Variants in CDR2 observed in about 807,000 individuals in gnomAD.
CDR2 encodes cerebellar degeneration-related protein 2.
Under a neutral mutation model 48.4 loss-of-function variants are expected in CDR2, and 34 were observed. The observed-to-expected ratio is 0.70, with a 90% CI of 0.53 to 0.94. The LOEUF is 0.94. Among genes scored for constraint, CDR2 ranks in the 40% least tolerant of loss-of-function variants. The pLI is 0.00. For missense variants in CDR2, 498 were observed against 549.5 expected, an observed-to-expected ratio of 0.91 and a Z score of 0.94; for synonymous variants, 240 against 219.7, an observed-to-expected ratio of 1.09 and a Z score of -0.82.
At chr16:22,364,868 G>A in intron 2 of CDR2, 34 bp downstream of exon 2, 1 of 1,260,406 alleles carries the variant, frequency 7.9e-7, no homozygotes, top group Admixed American at 1.7e-5. Flanking sequence ...ACATCGAAGT[G>A]TCAAAAGTGT....
At position 22,371,846 on chromosome 16, in the gene CDR2, ATATGTGTG is replaced by A. The variant is rs570465914; in HGVS notation, c.79+2377_79+2384del. ...TGCAACTGGCAGTAAAGAGGTTCAG[ATATGTGTG>A]TGTGTGTGTGTGTGTGTGTGTGTGT... On this transcript the variant is annotated intron_variant, in intron 1 of 4. Transcript: ENST00000268383. Among the ~76,000 whole-genome samples the A allele has an allele frequency of 3.2e-3, 253 of 78,880 alleles. 2 individuals are homozygous for A. The East Asian group carries it at 0.048, about 15-fold the overall frequency. The allele number at this position is 78,880 out of a possible 152,430, so 51.7% of individuals were successfully genotyped here.
In CDR2 at chr16:22,346,592, A is replaced by C. The variant is rs1230247998; in HGVS notation, c.*373T>G. 1 of 191,158 alleles carries C rather than the reference A, an allele frequency of 5.2e-6. No homozygotes were observed. Among genetic ancestry groups the C allele is most frequent in the Non-Finnish European group, 1.1e-5 (1 of 92,076 alleles). The allele number at this position is 191,158 out of a possible 1,614,324, so 11.8% of individuals were successfully genotyped here. A position where few individuals can be genotyped will look rare whatever the true frequency, so the allele number is the denominator to read the frequency against. Reference sequence around the variant, plus strand: ...TTTCATCGTTTTGAGAAGTTGCGCAAGGAAGCAATAGGAATTGCCTTAGCT... The same window carrying C: ...TTTCATCGTTTTGAGAAGTTGCGCACGGAAGCAATAGGAATTGCCTTAGCT... On this transcript the variant is annotated 3_prime_UTR_variant, in exon 5 of 5. Coordinates refer to ENST00000268383, the MANE Select transcript of CDR2 (RefSeq NM_001802.2).
chr16:22,359,575 T>C (rs1359955150), intron 2 of CDR2, among the ~76,000 whole-genome samples: 1 of 152,120 alleles, frequency 6.6e-6, no homozygotes, highest in Non-Finnish European at 1.5e-5. Context: ...CATAATCTCA[T>C]CCCCTCAGAA....
chr16:22,364,984 G>A lies in CDR2; in HGVS notation c.110C>T (p.Thr37Ile). 6.2e-7 allele frequency: 1 copy of A among 1,613,038 alleles called. No individual in the cohort carries two copies. Among genetic ancestry groups the A allele is most frequent in the Non-Finnish European group, 8.5e-7 (1 of 1,179,042 alleles). Reference sequence around the variant, plus strand: ...CAACTCTGTGTTCCGATCCAGTAATGTCTTCCCAAGCTCAGCAGCAAGTTG... The same window carrying A: ...CAACTCTGTGTTCCGATCCAGTAATATCTTCCCAAGCTCAGCAGCAAGTTG... Reference protein sequence around the residue: ...DLQLAAELGKTLLDRNTELED... With the variant: ...DLQLAAELGKILLDRNTELED... The change falls in exon 2 of 5, where the codon ACA becomes ATA. Residue 37 changes from threonine (T) to isoleucine (I), a missense_variant. Physicochemically the swap from Thr to Ile is moderately conservative, Grantham distance 89. Transcript: ENST00000268383.
At chr16:22,365,095 C>T (rs2049036748) in intron 1 of CDR2, 81 bp from the exon 2 acceptor site, 1 of 929,266 alleles carries the variant, frequency 1.1e-6, no homozygotes, top group African/African-American at 1.6e-5. Flanking sequence ...CAAAAAAGAA[C>T]ATGTAGTTTA....
Position 22,374,589 on chromosome 16 carries a change from C to T in CDR2, c.-280G>A, listed in dbSNP as rs1054151906. On this transcript the variant is annotated 5_prime_UTR_variant, in exon 1 of 5. Transcript: ENST00000268383. ...CTCACGCAGCCGCCAGTCTTCACGC[C>T]GCCGCCGGGCCCAACGTGGCACTTT... The T allele has an allele frequency of 3.9e-4, 69 of 175,452 alleles. No individual in the cohort carries two copies. Among genetic ancestry groups the T allele is most frequent in the Non-Finnish European group, 2.7e-4 (23 of 83,874 alleles). The allele number at this position is 175,452 out of a possible 1,614,324, so 10.9% of individuals were successfully genotyped here. A position where few individuals can be genotyped will look rare whatever the true frequency, so the allele number is the denominator to read the frequency against.
intron 2 of CDR2, among the ~76,000 whole-genome samples, chr16:22,361,697 G>GT (rs1466313785): frequency 2.0e-5 from 3 of 152,132 alleles, no homozygotes; most frequent in Non-Finnish European, 4.4e-5. Context: ...AAAGTCAACT[G>GT]TAATGGTGGT....
rs768276956 is a variant in CDR2, at chr16:22,347,811, A to G, written c.519T>C (p.Tyr173=). ...ELYDLRQHFV[Y]DHVFAEKITS... ...TGATCTTCTCAGCGAACACATGATC[A>G]TACACGAAGTGTCTAGGGAAAAAAA... is the stretch of plus-strand genomic sequence containing the variant. Residue 173 remains tyrosine (Y), a synonymous_variant, in exon 5 of 5, where the codon TAT becomes TAC. Transcript: ENST00000268383. The G allele has an allele frequency of 6.2e-7, 1 of 1,611,656 alleles. No individual in the cohort carries two copies. The highest frequency in any genetic ancestry group is 1.1e-5 in the South Asian group (1 of 91,016).
intron 2 of CDR2, among the ~76,000 whole-genome samples, chr16:22,355,413 G>C (rs917910089): frequency 1.3e-5 from 2 of 152,222 alleles, no homozygotes; most frequent in African/African-American, 4.8e-5. Flanking sequence ...GGGGTCCATG[G>C]ATAGACTTTA....
chr16:22,349,776 A>C lies in CDR2; in HGVS notation c.266T>G (p.Val89Gly). 6.2e-7 allele frequency: 1 copy of C among 1,614,022 alleles called. No individual in the cohort carries two copies. The highest frequency in any genetic ancestry group is 1.1e-5 in the South Asian group (1 of 91,080). The change falls in exon 3 of 5, where the codon GTC becomes GGC. Residue 89 changes from valine to glycine, a missense_variant. By Grantham distance (109) the Val-to-Gly change is moderately radical. Coordinates refer to ENST00000268383, the MANE Select transcript of CDR2 (RefSeq NM_001802.2). Reference sequence around the variant, plus strand: ...TGTTTCTTCCAGTTCCCTTGCTGTGACGTCTAATTGTTCATAAACCTTTGC... The same window carrying C: ...TGTTTCTTCCAGTTCCCTTGCTGTGCCGTCTAATTGTTCATAAACCTTTGC... The part of the protein sequence containing the change: ...QHAKVYEQLD[V>G]TARELEETNQ...
intron 2 of CDR2, among the ~76,000 whole-genome samples, chr16:22,361,194 T>G (rs1310175015): frequency 6.6e-6 from 1 of 152,216 alleles, no homozygotes; most frequent in Non-Finnish European, 1.5e-5. Flanking sequence ...GAGCTGATAA[T>G]GCTCTCAACT....
intron 2 of CDR2, among the ~76,000 whole-genome samples, chr16:22,359,907 T>C (rs894557001): frequency 6.6e-6 from 1 of 152,118 alleles, no homozygotes; most frequent in African/African-American, 2.4e-5. Context: ...ACTGTTGCAA[T>C]GGGAAATAAG....
intron 2 of CDR2, among the ~76,000 whole-genome samples, chr16:22,364,405 T>C (rs374524854): frequency 2.6e-5 from 4 of 151,662 alleles, no homozygotes; most frequent in African/African-American, 9.7e-5. Context: ...ATTTAGGATA[T>C]GGTTTGGTAG....
intron 4 of CDR2, among the ~76,000 whole-genome samples, chr16:22,348,492 C>T (rs2141842255): frequency 6.6e-6 from 1 of 152,312 alleles, no homozygotes; most frequent in Non-Finnish European, 1.5e-5. Flanking sequence ...TTTCTAAAGG[C>T]TCTCCAAATG....
At chr16:22,372,610 C>G (rs1218930885) in intron 1 of CDR2, among the ~76,000 whole-genome samples, 1 of 152,186 alleles carries the variant, frequency 6.6e-6, no homozygotes, top group African/African-American at 2.4e-5. Flanking sequence ...CCTGGAGAAA[C>G]TATCAAACTA....
At position 22,347,685 on chromosome 16, in the gene CDR2, C is replaced by T; in HGVS notation, c.645G>A (p.Lys215=). 1 of 1,614,096 alleles carries T rather than the reference C, an allele frequency of 6.2e-7. No homozygotes were observed. Among genetic ancestry groups the T allele is most frequent in the Non-Finnish European group, 8.5e-7 (1 of 1,180,036 alleles). Residue 215 remains lysine, a synonymous_variant, in exon 5 of 5, where the codon AAG becomes AAA. Coordinates refer to ENST00000268383, the MANE Select transcript of CDR2 (RefSeq NM_001802.2). ...LQAQLSLERQ[K]RVTMEEEYGL... is the part of the protein sequence containing the mutation. ...CATATTCCTCCTCCATAGTCACCCG[C>T]TTCTGCCGCTCCAGGCTCAGCTGGG...
At chr16:22,360,322 C>T (rs2049002593) in intron 2 of CDR2, among the ~76,000 whole-genome samples, 1 of 152,148 alleles carries the variant, frequency 6.6e-6, no homozygotes, top group African/African-American at 2.4e-5. Context: ...AGGCTACAGG[C>T]TTCTCTGAAG....
At chr16:22,358,987 T>C (rs1318280344) in intron 2 of CDR2, among the ~76,000 whole-genome samples, 1 of 152,250 alleles carries the variant, frequency 6.6e-6, no homozygotes, top group Non-Finnish European at 1.5e-5. Flanking sequence ...AAAGAAATGA[T>C]AAATGTTGGA....
chr16:22,347,283 C>T lies in CDR2; in HGVS notation c.1047G>A (p.Val349=). 6.2e-7 allele frequency: 1 copy of T among 1,614,240 alleles called. No homozygotes were observed. The highest frequency in any genetic ancestry group is 8.5e-7 in the Non-Finnish European group (1 of 1,180,048). Residue 349 remains valine (V), a synonymous_variant, in exon 5 of 5, where the codon GTG becomes GTA. Coordinates refer to ENST00000268383, the MANE Select transcript of CDR2 (RefSeq NM_001802.2). ...KQRGISLLHE[V]DTQYSALKVK... is the part of the protein sequence containing the mutation. Reference sequence around the variant, plus strand: ...CCTTCAGGGCGCTGTACTGCGTGTCCACTTCGTGCAGAAGGGAGATGCCCC... The same window carrying T: ...CCTTCAGGGCGCTGTACTGCGTGTCTACTTCGTGCAGAAGGGAGATGCCCC...
Sources: gnomAD v4.1 joint callset for allele counts (sites outside exome capture counted in the v4.1 genomes callset) on GRCh38, gnomAD v4.1.1 for gene constraint, MANE v1.5 for transcripts, NCBI Gene and HGNC (gene_info 2026-07-23, HGNC 2026-07-21) for gene names.